RBMS3: variants seen among roughly 807,000 people sequenced by gnomAD.
The protein encoded by RBMS3 is RNA-binding motif, single-stranded-interacting protein 3.
Under a neutral mutation model 66.8 loss-of-function variants are expected in RBMS3, and 27 were observed. The observed-to-expected ratio is 0.40, with a 90% confidence interval of 0.30 to 0.56. The LOEUF is 0.56. Among genes scored for constraint, RBMS3 ranks in the 20% least tolerant of loss-of-function variants. RBMS3 has a pLI of 0.40. For synonymous variants in RBMS3, 188 were observed against 183.0 expected (o/e 1.03, Z -0.22); for missense variants, 513 against 549.5 (o/e 0.93, Z 0.66).
intron 3 of RBMS3, among the ~76,000 whole-genome samples, chr3:29,504,584 TTC>T (rs143007587): frequency 0.13 from 19,868 of 152,100 alleles, 1,918 homozygotes; most frequent in African/African-American, 0.27. Flanking sequence ...GGCATACTGA[TTC>T]TATTCCCTTC....
chr3:29,590,838 G>A (rs1381904659), intron 4 of RBMS3, among the ~76,000 whole-genome samples: 2 of 152,148 alleles, frequency 1.3e-5, no homozygotes, highest in African/African-American at 4.8e-5. Context: ...GTGCCATCAA[G>A]GATCAAGGCA....
chr3:29,738,742 C>A (rs1483740977), intron 4 of RBMS3, among the ~76,000 whole-genome samples: 1 of 152,114 alleles, frequency 6.6e-6, no homozygotes, highest in Non-Finnish European at 1.5e-5. Context: ...TGTGGTGAGG[C>A]CTGAGAAATT....
chr3:29,861,485 G>A (rs1231690483), intron 6 of RBMS3, among the ~76,000 whole-genome samples: 2 of 152,160 alleles, frequency 1.3e-5, no homozygotes, highest in African/African-American at 4.8e-5. Context: ...TAAATTGAAT[G>A]TTAAAATTAA....
intron 4 of RBMS3, among the ~76,000 whole-genome samples, chr3:29,685,703 G>A (rs2051701969): frequency 6.6e-6 from 1 of 152,192 alleles, no homozygotes; most frequent in Non-Finnish European, 1.5e-5. Flanking sequence ...GCATAAATAA[G>A]CAGGAAAATG....
chr3:29,532,250 A>G (rs899662065), intron 3 of RBMS3, among the ~76,000 whole-genome samples: 6 of 97,820 alleles, frequency 6.1e-5, no homozygotes, highest in Admixed American at 3.2e-4. Flanking sequence ...ATATATGTAT[A>G]TATATATATA....
intron 6 of RBMS3, among the ~76,000 whole-genome samples, chr3:29,839,642 TA>T (rs964308411): frequency 5.3e-5 from 8 of 151,496 alleles, no homozygotes; most frequent in South Asian, 2.1e-4. Flanking sequence ...AAATGTTATC[TA>T]AAAAATAATA....
At chr3:29,548,758 A>G (rs1336208946) in intron 3 of RBMS3, among the ~76,000 whole-genome samples, 1 of 152,002 alleles carries the variant, frequency 6.6e-6, no homozygotes, top group Non-Finnish European at 1.5e-5. Flanking sequence ...CCAACTCTTC[A>G]TTCTGCAACC....
chr3:29,744,783 C>CA lies in RBMS3; in HGVS notation c.557+4906_557+4907insA, dbSNP rs1553655151. Among the ~76,000 whole-genome samples, 19 of 87,816 alleles carry CA rather than the reference C, an allele frequency of 2.2e-4. 1 individual carries two copies. In the East Asian group the frequency reaches 5.7e-3, roughly 26 times the overall value. 57.6% of individuals were successfully genotyped at this position (87,816 alleles called of 152,430 possible). On this transcript the variant is annotated intron_variant, in intron 5 of 14. Transcript: ENST00000383767. ...CGCACGATAGTGTAAGACTCCGTCTCGGAAAAAAAAAAAAAAAAGTGCTTA... is the reference window on the plus strand; with the variant it reads ...CGCACGATAGTGTAAGACTCCGTCTCAGGAAAAAAAAAAAAAAAAGTGCTTA...
At chr3:29,573,186 C>A (rs112854153) in intron 3 of RBMS3, among the ~76,000 whole-genome samples, 12,591 of 151,992 alleles carry the variant, frequency 0.083, 580 homozygotes, top group South Asian at 0.11. Flanking sequence ...AGTGGCACAA[C>A]CTCAGCTCAC....
chr3:29,488,530 C>G, intron 3 of RBMS3, 31 bp downstream of exon 3: 1 of 1,571,928 alleles, frequency 6.4e-7, no homozygotes. Flanking sequence ...ACCCTGAAAT[C>G]TTGCCTATGC....
At chr3:30,002,087 A>C (rs1264186400) in intron 14 of RBMS3, among the ~76,000 whole-genome samples, 2 of 152,080 alleles carry the variant, frequency 1.3e-5, no homozygotes, top group Non-Finnish European at 2.9e-5. Context: ...TCATGTGGCA[A>C]TGGGACCATT....
intron 3 of RBMS3, among the ~76,000 whole-genome samples, chr3:29,492,270 G>A (rs868339656): frequency 5.9e-5 from 9 of 151,950 alleles, no homozygotes; most frequent in African/African-American, 9.7e-5. Flanking sequence ...ATGATATGCC[G>A]ATGTATATTA....
At chr3:29,472,685 T>G (rs1361874451) in intron 2 of RBMS3, among the ~76,000 whole-genome samples, 1 of 151,932 alleles carries the variant, frequency 6.6e-6, no homozygotes, top group Non-Finnish European at 1.5e-5. Flanking sequence ...CGTCTGGAGT[T>G]GTTCGTTCCT....
At chr3:29,476,752 A>T (rs190995838) in intron 2 of RBMS3, among the ~76,000 whole-genome samples, 181 of 152,210 alleles carry the variant, frequency 1.2e-3, no homozygotes, top group African/African-American at 4.2e-3. Context: ...GTAATTTTTA[A>T]AAAAAAATAA....
At chr3:29,523,996 C>T (rs1021847435) in intron 3 of RBMS3, among the ~76,000 whole-genome samples, 1 of 152,116 alleles carries the variant, frequency 6.6e-6, no homozygotes, top group Non-Finnish European at 1.5e-5. Context: ...CTCAGCCTCC[C>T]AAAAGTGCTG....
intron 1 of RBMS3, among the ~76,000 whole-genome samples, chr3:29,357,482 G>A (rs2037295163): frequency 6.6e-6 from 1 of 152,082 alleles, no homozygotes; most frequent in African/African-American, 2.4e-5. Context: ...AAGTCTTGGC[G>A]ATTGTGAGTA....
intron 14 of RBMS3, among the ~76,000 whole-genome samples, chr3:29,992,516 G>A (rs553879345): frequency 5.3e-5 from 8 of 152,076 alleles, no homozygotes; most frequent in Admixed American, 2.0e-4. Context: ...GGAGAATGGC[G>A]TGAACCCGGG....
chr3:29,839,748 A>G (rs894377406), intron 6 of RBMS3, among the ~76,000 whole-genome samples: 2 of 151,906 alleles, frequency 1.3e-5, no homozygotes, highest in African/African-American at 4.8e-5. Context: ...TGGTCTCAGC[A>G]GTAGAGATAC....
chr3:29,720,476 C>T (rs1334538870), intron 4 of RBMS3, among the ~76,000 whole-genome samples: 4 of 152,010 alleles, frequency 2.6e-5, no homozygotes, highest in Non-Finnish European at 4.4e-5. Context: ...AATAAAAACT[C>T]AAGGAAGTGA....
Sources: gnomAD v4.1 joint callset for allele counts (sites outside exome capture counted in the v4.1 genomes callset) on GRCh38, gnomAD v4.1.1 for gene constraint, MANE v1.5 for transcripts, NCBI Gene and HGNC (gene_info 2026-07-23, HGNC 2026-07-21) for gene names.